MPP7: variants seen among roughly 807,000 people sequenced by gnomAD.
MPP7 encodes the protein MAGUK p55 scaffold protein 7, also known as MAGUK p55 subfamily member 7.
MPP7 carries 60 observed loss-of-function variants against 76.5 expected under a neutral mutation model. That is an observed-to-expected ratio of 0.78 (90% CI 0.64 to 0.97). The LOEUF is 0.97. Among genes scored for constraint, MPP7 ranks in the 50% least tolerant of loss-of-function variants. MPP7 has a pLI of 0.00. For synonymous variants in MPP7, 237 were observed against 244.5 expected, an observed-to-expected ratio of 0.97 and a Z score of 0.29; for missense variants, 641 against 694.0, an observed-to-expected ratio of 0.92 and a Z score of 0.86.
At chr10:28,329,801 A>G (rs1447383508) in intron 2 of MPP7, 1 of 152,242 alleles carries the variant, frequency 6.6e-6, no homozygotes, top group Non-Finnish European at 1.5e-5. Flanking sequence ...GAGGATATGC[A>G]CATTTATATA....
intron 3 of MPP7, among the ~76,000 whole-genome samples, chr10:28,152,830 T>C (rs1289301209): frequency 6.6e-6 from 1 of 152,122 alleles, no homozygotes; most frequent in Non-Finnish European, 1.5e-5. Flanking sequence ...GACAAATATA[T>C]AACCAAAGAT....
chr10:28,273,927 C>T (rs921661224), intron 1 of MPP7, among the ~76,000 whole-genome samples: 2 of 151,788 alleles, frequency 1.3e-5, no homozygotes, highest in Admixed American at 6.6e-5. Flanking sequence ...CCCAGGAGTT[C>T]GAGTCCAGCC....
chr10:28,109,863 A>AAAAAAAAAAACAAAAAAAAAAAAAAAAAC (rs1564634813), intron 11 of MPP7, among the ~76,000 whole-genome samples: 1 of 149,480 alleles, frequency 6.7e-6, no homozygotes, highest in African/African-American at 2.5e-5. Flanking sequence ...AAAAAAAAAA[A>AAAAAAAAAAACAAAAAAAAAAAAAAAAAC]AAAAAAAAAA....
In MPP7 at chr10:28,103,325, C is replaced by T. The variant is rs143724859; in HGVS notation, c.953-13484G>A. Among the ~76,000 whole-genome samples, 40 of 149,692 alleles carry T rather than the reference C, an allele frequency of 2.7e-4. 1 individual carries two copies. The East Asian group carries it at 7.2e-3, about 27-fold the overall frequency. The stretch of plus-strand genomic sequence containing the variant: ...CATCCTGTCTCGGGGCCTTTGTACA[C>T]GCTGTTGGGGGCCTGTGCACATGGA... On this transcript the variant is annotated intron_variant, in intron 11 of 16. Coordinates refer to ENST00000683449, the MANE Select transcript of MPP7 (RefSeq NM_001318170.2).
At chr10:28,218,999 A>G (rs1349118175) in intron 2 of MPP7, among the ~76,000 whole-genome samples, 2 of 152,202 alleles carry the variant, frequency 1.3e-5, no homozygotes, top group Non-Finnish European at 2.9e-5. Flanking sequence ...AAGTATCTAG[A>G]TCTATTGATC....
At chr10:28,109,847 G>GTAAAAA (rs1834438755) in intron 11 of MPP7, among the ~76,000 whole-genome samples, 1 of 3,010 alleles carries the variant, frequency 3.3e-4, no homozygotes, top group Non-Finnish European at 9.2e-4. Flanking sequence ...AGCCGCAGAC[G>GTAAAAA]CAAAAAAAAA....
intron 1 of MPP7, among the ~76,000 whole-genome samples, chr10:28,289,774 G>T (rs914876325): frequency 2.0e-5 from 3 of 152,176 alleles, no homozygotes; most frequent in African/African-American, 7.2e-5. Context: ...TAAGCCACAT[G>T]ACAGATAATG....
At chr10:28,110,444 T>G (rs1834472211) in intron 11 of MPP7, among the ~76,000 whole-genome samples, 2 of 152,200 alleles carry the variant, frequency 1.3e-5, no homozygotes, top group African/African-American at 4.8e-5. Context: ...GTACATTTAC[T>G]TTTGTAAATC....
At chr10:28,302,296 A>G (rs1841176115) in intron 1 of MPP7, among the ~76,000 whole-genome samples, 1 of 152,110 alleles carries the variant, frequency 6.6e-6, no homozygotes, top group South Asian at 2.1e-4. Context: ...AAAGCCCCCA[A>G]ATAGATTCAC....
At chr10:28,292,285 A>T (rs541146700) in intron 1 of MPP7, among the ~76,000 whole-genome samples, 28 of 152,206 alleles carry the variant, frequency 1.8e-4, no homozygotes, top group Non-Finnish European at 3.7e-4. Context: ...CATTTCTCAG[A>T]ACATATCCCT....
intron 3 of MPP7, among the ~76,000 whole-genome samples, chr10:28,154,790 A>C (rs1835998194): frequency 6.6e-6 from 1 of 152,036 alleles, no homozygotes; most frequent in Non-Finnish European, 1.5e-5. Flanking sequence ...AGAGATATAT[A>C]ATCTGTCCCA....
intron 13 of MPP7, among the ~76,000 whole-genome samples, chr10:28,067,844 G>A (rs1413963822): frequency 3.9e-5 from 6 of 152,102 alleles, no homozygotes; most frequent in African/African-American, 1.4e-4. Context: ...GTTAATATAG[G>A]AGGAAGAACA....
chr10:28,282,345 A>C (rs1400479405), intron 1 of MPP7, among the ~76,000 whole-genome samples: 2 of 152,062 alleles, frequency 1.3e-5, no homozygotes, highest in South Asian at 2.1e-4. Flanking sequence ...TCTTCCTATC[A>C]ATTTGTGTAC....
At chr10:28,228,197 T>A (rs2134097590) in intron 2 of MPP7, among the ~76,000 whole-genome samples, 1 of 152,336 alleles carries the variant, frequency 6.6e-6, no homozygotes, top group South Asian at 2.1e-4. Flanking sequence ...GAAAAAAATG[T>A]TAACATGAGA....
intron 12 of MPP7, among the ~76,000 whole-genome samples, chr10:28,074,785 C>A (rs1030767946): frequency 6.6e-6 from 1 of 152,170 alleles, no homozygotes; most frequent in African/African-American, 2.4e-5. Context: ...ACTCTAAATT[C>A]TTCTCCAGCC....
At chr10:28,068,872 T>TA (rs1299586752) in intron 13 of MPP7, among the ~76,000 whole-genome samples, 2 of 152,236 alleles carry the variant, frequency 1.3e-5, no homozygotes, top group African/African-American at 4.8e-5. Flanking sequence ...ATATGTGTAC[T>TA]AAAATTCATC....
At chr10:28,233,949 A>AGAGAGAAGAGAGAGGAAGGAG (rs1838981638) in intron 2 of MPP7, among the ~76,000 whole-genome samples, 1 of 151,852 alleles carries the variant, frequency 6.6e-6, no homozygotes, top group Non-Finnish European at 1.5e-5. Context: ...AGAAGAGGGA[A>AGAGAGAAGAGAGAGGAAGGAG]GAGAGAAGAG....
chr10:28,146,254 A>T (rs1440016571), intron 5 of MPP7, among the ~76,000 whole-genome samples: 1 of 152,216 alleles, frequency 6.6e-6, no homozygotes, highest in African/African-American at 2.4e-5. Flanking sequence ...CAGAACAAAA[A>T]TTTAATAAAC....
At chr10:28,300,824 T>C (rs12268992) in intron 1 of MPP7, among the ~76,000 whole-genome samples, 4,532 of 151,138 alleles carry the variant, frequency 0.03, 232 homozygotes, top group African/African-American at 0.1. Context: ...CTGGGCGTGG[T>C]GGCATGCGCC....
Sources: gnomAD v4.1 joint callset for allele counts (sites outside exome capture counted in the v4.1 genomes callset) on GRCh38, gnomAD v4.1.1 for gene constraint, MANE v1.5 for transcripts, NCBI Gene and HGNC (gene_info 2026-07-23, HGNC 2026-07-21) for gene names.